LHFPL3: variants seen among roughly 807,000 people sequenced by gnomAD.
The protein encoded by LHFPL3 is LHFPL tetraspan subfamily member 3 protein.
LHFPL3 carries 5 observed loss-of-function variants against 19.3 expected under a neutral mutation model. The observed-to-expected ratio is 0.26, with a 90% CI of 0.14 to 0.54. The LOEUF (loss-of-function observed/expected upper bound fraction) is 0.54, where lower values mean the gene tolerates loss of function less well. Ranked by LOEUF, LHFPL3 falls within the 20% of genes least tolerant of loss-of-function variation. LHFPL3 has a pLI of 0.94. For synonymous variants in LHFPL3, 133 were observed against 126.2 expected, an observed-to-expected ratio of 1.05 and a Z score of -0.36; for missense variants, 249 against 307.4, an observed-to-expected ratio of 0.81 and a Z score of 1.42.
chr7:104,678,101 C>T (rs1001341907), intron 1 of LHFPL3, among the ~76,000 whole-genome samples: 9 of 152,102 alleles, frequency 5.9e-5, no homozygotes, highest in South Asian at 4.1e-4. Context: ...AACTTCAGCG[C>T]GAGAATTCAT....
chr7:104,339,166 T>C (rs1160411796), intron 1 of LHFPL3, among the ~76,000 whole-genome samples: 1 of 152,120 alleles, frequency 6.6e-6, no homozygotes, highest in Non-Finnish European at 1.5e-5. Context: ...GAGAATCACT[T>C]GAACCCAGGA....
chr7:104,829,600 A>G (rs7784475), intron 2 of LHFPL3, among the ~76,000 whole-genome samples: 150,587 of 151,408 alleles, frequency 0.99, 74,903 homozygotes, highest in Middle Eastern at 1. Flanking sequence ...TTGTCCTTGC[A>G]ATAGTTTGCT....
chr7:104,791,827 T>G (rs796102269), intron 2 of LHFPL3, among the ~76,000 whole-genome samples: 13 of 152,294 alleles, frequency 8.5e-5, no homozygotes, highest in African/African-American at 3.1e-4. Flanking sequence ...TATGTCTTGG[T>G]TCACCTGGCC....
chr7:104,423,201 CCTCACTGAG>C lies in LHFPL3; in HGVS notation c.445+93979_445+93987del, dbSNP rs538502599. ...AGGCAGCAGGGATGCAAGTTGTAAG[CCTCACTGAG>C]CAAGGTGCTTGGAGGCTGTGATGGA... On this transcript the variant is annotated intron_variant, in intron 1 of 2. Transcript: ENST00000424859. Among the ~76,000 whole-genome samples the C allele has an allele frequency of 7.9e-5, 12 of 152,228 alleles. No homozygotes were observed. The South Asian group carries it at 1.2e-3, about 16-fold the overall frequency.
intron 1 of LHFPL3, among the ~76,000 whole-genome samples, chr7:104,672,028 T>C (rs1792493228): frequency 6.6e-6 from 1 of 151,692 alleles, no homozygotes; most frequent in Non-Finnish European, 1.5e-5. Flanking sequence ...ATACCTTTTC[T>C]TTTTTCCTTC....
intron 2 of LHFPL3, among the ~76,000 whole-genome samples, chr7:104,816,092 T>C (rs1206195405): frequency 6.6e-6 from 1 of 152,136 alleles, no homozygotes; most frequent in African/African-American, 2.4e-5. Context: ...TTGACCTTCA[T>C]TATGAGTTCA....
intron 1 of LHFPL3, among the ~76,000 whole-genome samples, chr7:104,511,799 C>T (rs60192353): frequency 0.059 from 9,000 of 152,048 alleles, 871 homozygotes; most frequent in African/African-American, 0.2. Context: ...ACTTGTTCCC[C>T]AAAAACCTGT....
chr7:104,511,971 G>A (rs28736466), intron 1 of LHFPL3, among the ~76,000 whole-genome samples: 4,057 of 135,908 alleles, frequency 0.03, 229 homozygotes, highest in African/African-American at 0.11. Context: ...TTTTGGAGGA[G>A]GGGAACAGAG....
intron 2 of LHFPL3, among the ~76,000 whole-genome samples, chr7:104,872,869 A>G (rs78107309): frequency 0.013 from 1,935 of 152,346 alleles, 34 homozygotes; most frequent in African/African-American, 0.044. Context: ...ACTATAAACA[A>G]TAAATACCTA....
chr7:104,667,878 A>G lies in LHFPL3; in HGVS notation c.446-68797A>G. ...CAAACCAGTCAGCTGGGCTGATGAA[A>G]CGGATGACCTGGAAGGAGATGTTTC... On this transcript the variant is annotated intron_variant, in intron 1 of 2. Coordinates refer to ENST00000424859, the MANE Select transcript of LHFPL3 (RefSeq NM_199000.3). 7 of 1,612,258 alleles carry G rather than the reference A, an allele frequency of 4.3e-6. No homozygotes were observed. In the South Asian group the frequency reaches 6.6e-5, roughly 15 times the overall value.
intron 1 of LHFPL3, among the ~76,000 whole-genome samples, chr7:104,733,137 C>T (rs1793736216): frequency 6.6e-6 from 1 of 152,196 alleles, no homozygotes; most frequent in Non-Finnish European, 1.5e-5. Context: ...GAGTGCTTTA[C>T]TTCCAACTAT....
intron 1 of LHFPL3, among the ~76,000 whole-genome samples, chr7:104,588,895 C>T (rs1313530236): frequency 2.9e-5 from 3 of 104,328 alleles, no homozygotes; most frequent in African/African-American, 1.1e-4. Context: ...AATGGGAATT[C>T]ACTCAAGATT....
At chr7:104,760,729 G>A (rs1794357280) in intron 2 of LHFPL3, among the ~76,000 whole-genome samples, 1 of 152,148 alleles carries the variant, frequency 6.6e-6, no homozygotes, top group South Asian at 2.1e-4. Context: ...CAAGAAGTGA[G>A]CAATTATTTG....
At chr7:104,843,306 GAC>G (rs1791249955) in intron 2 of LHFPL3, among the ~76,000 whole-genome samples, 2 of 152,298 alleles carry the variant, frequency 1.3e-5, no homozygotes, top group East Asian at 3.9e-4. Flanking sequence ...GTCAGTGTGG[GAC>G]CACAGATAAA....
Position 104,722,048 on chromosome 7 carries a change from G to A in LHFPL3, c.446-14627G>A, listed in dbSNP as rs559944124. ...TAAATTCTGATTTTCATTTTATTTG[G>A]GTATTAACCCTTAAAATTTGGGTAA... On this transcript the variant is annotated intron_variant, in intron 1 of 2. Transcript: ENST00000424859. Among the ~76,000 whole-genome samples the A allele has an allele frequency of 1.4e-4, 21 of 151,848 alleles. No individual in the cohort carries two copies. In the South Asian group the frequency reaches 3.5e-3, roughly 26 times the overall value.
At chr7:104,698,171 C>T (rs1206906317) in intron 1 of LHFPL3, among the ~76,000 whole-genome samples, 3 of 152,074 alleles carry the variant, frequency 2.0e-5, no homozygotes, top group African/African-American at 7.2e-5. Flanking sequence ...ATTTTGCATC[C>T]GAATTTTCTG....
At chr7:104,388,162 C>T (rs1286375905) in intron 1 of LHFPL3, among the ~76,000 whole-genome samples, 2 of 151,998 alleles carry the variant, frequency 1.3e-5, no homozygotes, top group African/African-American at 2.4e-5. Flanking sequence ...GTATATGTAC[C>T]ACATTTTCTT....
chr7:104,788,149 G>A (rs1789957978), intron 2 of LHFPL3, among the ~76,000 whole-genome samples: 1 of 152,168 alleles, frequency 6.6e-6, no homozygotes, highest in Admixed American at 6.5e-5. Context: ...TTCTTTATGA[G>A]GAGTACTCTC....
At chr7:104,610,237 C>A (rs749225317) in intron 1 of LHFPL3, among the ~76,000 whole-genome samples, 1 of 152,092 alleles carries the variant, frequency 6.6e-6, no homozygotes, top group Admixed American at 6.6e-5. Context: ...TGTCTGGCAT[C>A]TTTGATTGAA....
Sources: gnomAD v4.1 joint callset for allele counts (sites outside exome capture counted in the v4.1 genomes callset) on GRCh38, gnomAD v4.1.1 for gene constraint, MANE v1.5 for transcripts, NCBI Gene and HGNC (gene_info 2026-07-23, HGNC 2026-07-21) for gene names.